The following PCDHGA6 variants were observed in gnomAD, a reference collection of about 807,000 sequenced individuals.
PCDHGA6 encodes the protein protocadherin gamma subfamily A, 6, also known as protocadherin gamma-A6.
Under a neutral mutation model 60.6 loss-of-function variants are expected in PCDHGA6, and 41 were observed. That is an observed-to-expected ratio of 0.68 (90% CI 0.53 to 0.88). PCDHGA6 has a LOEUF of 0.88. Among genes scored for constraint, PCDHGA6 ranks in the 40% least tolerant of loss-of-function variants. The pLI is 0.00. For missense variants in PCDHGA6, 1,312 were observed against 1,203.0 expected (o/e 1.09, Z -1.34); for synonymous variants, 594 against 524.4 (o/e 1.13, Z -1.81).
At chr5:141,399,851 C>T (rs971471583) in intron 1 of PCDHGA6, 3 of 1,612,950 alleles carry the variant, frequency 1.9e-6, no homozygotes, top group Non-Finnish European at 2.5e-6. Flanking sequence ...GATATGGTGC[C>T]GCGCGCTGCA....
At chr5:141,449,251 A>T (rs918418872) in intron 1 of PCDHGA6, among the ~76,000 whole-genome samples, 10 of 152,256 alleles carry the variant, frequency 6.6e-5, no homozygotes, top group Middle Eastern at 3.4e-3. Flanking sequence ...AGTTGCAAGA[A>T]TTGTACAAAG....
intron 1 of PCDHGA6, chr5:141,399,393 C>A: frequency 6.2e-7 from 1 of 1,613,976 alleles, no homozygotes; most frequent in Non-Finnish European, 8.5e-7. Flanking sequence ...CAGCCACAGA[C>A]AGGGGCAAGC....
At chr5:141,382,717 G>A (rs759719502) in intron 1 of PCDHGA6, 38 of 488,830 alleles carry the variant, frequency 7.8e-5, no homozygotes, top group Non-Finnish European at 9.8e-5. Flanking sequence ...AGAAACCACC[G>A]AGTTTTACAG....
At chr5:141,399,588 C>A (rs2093842272) in intron 1 of PCDHGA6, 1 of 1,613,894 alleles carries the variant, frequency 6.2e-7, no homozygotes, top group South Asian at 1.1e-5. Context: ...CCTACTCTAT[C>A]ATGGCCAGCG....
chr5:141,375,696 G>A lies in PCDHGA6; in HGVS notation c.1613G>A (p.Gly538Glu). The change falls in exon 1 of 4, where the codon GGG (glycine) becomes GAG (glutamate). Residue 538 changes from glycine (G) to glutamate (E), a missense_variant. Transcript: ENST00000517434. ...LQLWVTASDSGDPPLSSNVSL... is the reference protein window; with the variant it reads ...LQLWVTASDSEDPPLSSNVSL... ...CTGTGGGTGACAGCCAGCGACAGCG[G>A]GGACCCGCCTCTTAGCAGCAACGTG... The A allele has an allele frequency of 6.2e-7, 1 of 1,614,260 alleles. No homozygotes were observed. Among genetic ancestry groups the A allele is most frequent in the African/African-American group, 1.3e-5 (1 of 75,078 alleles).
At chr5:141,403,106 C>A (rs1311418325) in intron 1 of PCDHGA6, 1 of 1,614,066 alleles carries the variant, frequency 6.2e-7, no homozygotes. Context: ...CTCCAAGGAC[C>A]TGGCTCTGGA....
intron 1 of PCDHGA6, chr5:141,389,177 C>G: frequency 1.2e-6 from 2 of 1,614,052 alleles, no homozygotes; most frequent in Non-Finnish European, 1.7e-6. Flanking sequence ...CTCCCCTCTC[C>G]TCCAGTTCCA....
At chr5:141,394,705 C>A (rs1245348426) in intron 1 of PCDHGA6, 1 of 1,613,256 alleles carries the variant, frequency 6.2e-7, no homozygotes, top group African/African-American at 1.3e-5. Context: ...ACGGCGCGAG[C>A]CCTGCTGGAC....
At chr5:141,399,464 C>T (rs747827208) in intron 1 of PCDHGA6, 4 of 1,614,018 alleles carry the variant, frequency 2.5e-6, no homozygotes, top group South Asian at 1.1e-5. Flanking sequence ...GATAACGCTC[C>T]GGTTTTCCAC....
chr5:141,396,829 A>G (rs1216305888), intron 1 of PCDHGA6, among the ~76,000 whole-genome samples: 1 of 152,206 alleles, frequency 6.6e-6, no homozygotes, highest in African/African-American at 2.4e-5. Context: ...GTGCATATTC[A>G]GTGGAGTGGG....
chr5:141,397,876 C>A (rs2093580679), intron 1 of PCDHGA6: 1 of 579,756 alleles, frequency 1.7e-6, no homozygotes, highest in East Asian at 2.9e-5. Flanking sequence ...TGACTCTGGG[C>A]GCCGCTGTTG....
chr5:141,384,334 C>T, intron 1 of PCDHGA6: 1 of 1,613,846 alleles, frequency 6.2e-7, no homozygotes. Flanking sequence ...TGCACAGGAC[C>T]ACGACAGTGA....
chr5:141,390,526 T>C, intron 1 of PCDHGA6: 1 of 548,274 alleles, frequency 1.8e-6, no homozygotes, highest in East Asian at 3.2e-5. Context: ...AATGAGGGTG[T>C]GGTTTTAACC....
At chr5:141,428,001 T>G (rs149531447) in intron 1 of PCDHGA6, 10 of 1,601,704 alleles carry the variant, frequency 6.2e-6, no homozygotes, top group Non-Finnish European at 8.5e-6. Flanking sequence ...CTCCGCACTC[T>G]TCGATATAGT....
chr5:141,460,938 A>G (rs532872249), intron 1 of PCDHGA6, among the ~76,000 whole-genome samples: 38 of 149,918 alleles, frequency 2.5e-4, no homozygotes, highest in African/African-American at 9.1e-4. Context: ...GTGTGTGTAT[A>G]TATATGTATT....
intron 1 of PCDHGA6, chr5:141,387,922 G>A (rs764365334): frequency 2.0e-6 from 3 of 1,478,496 alleles, no homozygotes; most frequent in African/African-American, 2.8e-5. Context: ...CGGGCTGAGA[G>A]GCTGCCAGTG....
intron 1 of PCDHGA6, chr5:141,392,959 C>T (rs2092637209): frequency 6.2e-7 from 1 of 1,613,902 alleles, no homozygotes; most frequent in African/African-American, 1.3e-5. Flanking sequence ...GGTAATATCT[C>T]CAAGGACCTG....
chr5:141,400,734 G>A, intron 1 of PCDHGA6: 1 of 634,548 alleles, frequency 1.6e-6, no homozygotes, highest in Non-Finnish European at 2.7e-6. Flanking sequence ...AAAGTAGTGA[G>A]AGTTTGCTCT....
intron 2 of PCDHGA6, among the ~76,000 whole-genome samples, chr5:141,503,518 G>A (rs576791899): frequency 6.7e-6 from 1 of 149,524 alleles, no homozygotes; most frequent in East Asian, 2.0e-4. Flanking sequence ...AGAATCACTT[G>A]AACCTGGGAG....
Sources: allele counts gnomAD v4.1 joint callset (sites outside exome capture counted in the v4.1 genomes callset), GRCh38; gene constraint gnomAD v4.1.1; transcripts MANE v1.5; gene names NCBI Gene and HGNC (gene_info 2026-07-23, HGNC 2026-07-21).